Variants in AKR1C8 observed in about 807,000 individuals in gnomAD.
AKR1C8 encodes the protein aldo-keto reductase family 1 member C-like protein 1.
the AKR1C8 span, chr10:5,155,801 C>A: frequency 2.2e-6 from 1 of 451,094 alleles, no homozygotes; most frequent in Non-Finnish European, 4.6e-6. Flanking sequence ...CCCAGGGCAG[C>A]AGCTTCTACA....
At chr10:5,151,584 T>G in the AKR1C8 span, among the ~76,000 whole-genome samples, 6,028 of 138,504 alleles carry the variant, frequency 0.044, 190 homozygotes, top group Non-Finnish European at 0.063. Flanking sequence ...TGAGACACAG[T>G]CTTGTTCTGT....
chr10:5,128,371 A>C, the AKR1C8 span, among the ~76,000 whole-genome samples: 1 of 152,124 alleles, frequency 6.6e-6, no homozygotes, highest in Non-Finnish European at 1.5e-5. Context: ...CAATAACACA[A>C]CAACAGCAAC....
chr10:5,178,005 T>C, the AKR1C8 span, among the ~76,000 whole-genome samples: 1 of 152,210 alleles, frequency 6.6e-6, no homozygotes, highest in Non-Finnish European at 1.5e-5. Context: ...TTTTAGTTAC[T>C]TCTTGCCTTC....
At chr10:5,116,754 G>A in the AKR1C8 span, among the ~76,000 whole-genome samples, 1 of 152,176 alleles carries the variant, frequency 6.6e-6, no homozygotes, top group Non-Finnish European at 1.5e-5. Context: ...GTCCTTCAGG[G>A]ATGTAGGACA....
chr10:5,168,036 CTT>C, the AKR1C8 span, among the ~76,000 whole-genome samples: 5 of 151,938 alleles, frequency 3.3e-5, no homozygotes, highest in Admixed American at 1.3e-4. Flanking sequence ...AAAAAAAAGA[CTT>C]ATATTCTTAT....
the AKR1C8 span, among the ~76,000 whole-genome samples, chr10:5,162,606 C>T: frequency 6.6e-6 from 1 of 152,150 alleles, no homozygotes; most frequent in African/African-American, 2.4e-5. Flanking sequence ...TTAATCCATA[C>T]AACAGTTAAA....
the AKR1C8 span, among the ~76,000 whole-genome samples, chr10:5,124,361 T>C: frequency 6.6e-6 from 1 of 152,180 alleles, no homozygotes; most frequent in East Asian, 1.9e-4. Flanking sequence ...CCTCCACTGA[T>C]GGTGATTATT....
At chr10:5,177,762 T>C in the AKR1C8 span, among the ~76,000 whole-genome samples, 1 of 152,212 alleles carries the variant, frequency 6.6e-6, no homozygotes, top group African/African-American at 2.4e-5. Flanking sequence ...CCAGTTTATT[T>C]GCATAGAGGT....
chr10:5,147,893 C>T, the AKR1C8 span, among the ~76,000 whole-genome samples: 1 of 152,194 alleles, frequency 6.6e-6, no homozygotes, highest in African/African-American at 2.4e-5. Flanking sequence ...ACTTCTGATC[C>T]CACATTTCTG....
At chr10:5,180,118 G>A in the AKR1C8 span, among the ~76,000 whole-genome samples, 1 of 152,084 alleles carries the variant, frequency 6.6e-6, no homozygotes, top group South Asian at 2.1e-4. Context: ...TCTACTTTTG[G>A]TCTTTGATGA....
At chr10:5,141,609 A>C in the AKR1C8 span, among the ~76,000 whole-genome samples, 2 of 152,188 alleles carry the variant, frequency 1.3e-5, no homozygotes, top group African/African-American at 4.8e-5. Context: ...TGTACTGAAG[A>C]ATAAATATTG....
the AKR1C8 span, among the ~76,000 whole-genome samples, chr10:5,136,925 G>C: frequency 2.6e-5 from 4 of 152,050 alleles, no homozygotes; most frequent in Non-Finnish European, 5.9e-5. Context: ...ATATTTTATA[G>C]CTATTAAAAG....
At chr10:5,116,420 T>G in the AKR1C8 span, among the ~76,000 whole-genome samples, 1 of 152,110 alleles carries the variant, frequency 6.6e-6, no homozygotes. Flanking sequence ...CACTAGGAGT[T>G]ATGCTGAGTG....
the AKR1C8 span, among the ~76,000 whole-genome samples, chr10:5,128,174 C>A: frequency 6.6e-6 from 1 of 152,056 alleles, no homozygotes; most frequent in African/African-American, 2.4e-5. Flanking sequence ...TTGTATCCAG[C>A]AAAACTATAT....
At chr10:5,146,396 T>C in the AKR1C8 span, among the ~76,000 whole-genome samples, 1 of 152,150 alleles carries the variant, frequency 6.6e-6, no homozygotes, top group Admixed American at 6.6e-5. Flanking sequence ...TGCTTGGTTG[T>C]AACTAATGTT....
chr10:5,157,566 C>G, the AKR1C8 span: 1 of 409,404 alleles, frequency 2.4e-6, no homozygotes, highest in African/African-American at 2.1e-5. Flanking sequence ...GTCGCATTCT[C>G]CCATGTAAGA....
the AKR1C8 span, among the ~76,000 whole-genome samples, chr10:5,166,413 C>G: frequency 6.6e-5 from 10 of 152,172 alleles, no homozygotes; most frequent in Admixed American, 5.9e-4. Context: ...GTACCCAAAA[C>G]AGCATGGTAC....
At chr10:5,150,868 T>C in the AKR1C8 span, among the ~76,000 whole-genome samples, 1 of 152,158 alleles carries the variant, frequency 6.6e-6, no homozygotes, top group Non-Finnish European at 1.5e-5. Context: ...AATGAGCTGA[T>C]CTATCAAGAC....
chr10:5,168,955 T>C, the AKR1C8 span, among the ~76,000 whole-genome samples: 1 of 152,122 alleles, frequency 6.6e-6, no homozygotes, highest in South Asian at 2.1e-4. Flanking sequence ...ACCTCAGCCT[T>C]TATGGAAAGG....
Sources: allele counts gnomAD v4.1 joint callset (sites outside exome capture counted in the v4.1 genomes callset), GRCh38; gene constraint gnomAD v4.1.1; transcripts MANE v1.5; gene names NCBI Gene and HGNC (gene_info 2026-07-23, HGNC 2026-07-21).